CHD1L: variants seen among roughly 807,000 people sequenced by gnomAD.
The protein encoded by CHD1L is ATP-dependent chromatin remodeler CHD1L.
A neutral mutation model predicts 115.9 loss-of-function variants in CHD1L; 118 were observed. The ratio of observed to expected loss-of-function variants is 1.02; its 90% CI spans 0.88 to 1.19. The LOEUF (loss-of-function observed/expected upper bound fraction) is 1.19, where lower values mean the gene tolerates loss of function less well. Ranked by LOEUF, CHD1L falls within the 50% of genes most tolerant of loss-of-function variation. The pLI is 0.00. For missense variants in CHD1L, 1,179 were observed against 1,065.3 expected, an observed-to-expected ratio of 1.11 and a Z score of -1.49; for synonymous variants, 411 against 387.1, an observed-to-expected ratio of 1.06 and a Z score of -0.72.
intron 5 of CHD1L, 25 bp from the exon 6 acceptor site, chr1:147,259,812 T>G (rs1553942656): frequency 6.9e-6 from 11 of 1,597,344 alleles, no homozygotes; most frequent in Non-Finnish European, 9.4e-6. Flanking sequence ...TACACAAAAC[T>G]GAAAGCTTGG....
chr1:147,186,607 C>A, the CHD1L span: 1 of 1,100,930 alleles, frequency 9.1e-7, no homozygotes, highest in Non-Finnish European at 1.1e-6. Flanking sequence ...AAGCACCTAC[C>A]ACATGTCAAG....
the CHD1L span, among the ~76,000 whole-genome samples, chr1:147,221,654 T>C: frequency 6.6e-6 from 1 of 152,218 alleles, no homozygotes; most frequent in Non-Finnish European, 1.5e-5. Flanking sequence ...TGCAAGTCTG[T>C]ATGTGTATTC....
the CHD1L span, among the ~76,000 whole-genome samples, chr1:147,237,302 T>C: frequency 6.6e-6 from 1 of 152,042 alleles, no homozygotes; most frequent in South Asian, 2.1e-4. Context: ...GATGCCCAGG[T>C]CTGCAGCTGT....
At position 147,295,555 on chromosome 1, in the gene CHD1L, T is replaced by C. The variant is rs587695472; in HGVS notation, c.*46T>C. ...CCTGTCTTTAGCAACCAGCTAATAT[T>C]TACCCAGAGGTACTGCAATAGAGTA... On this transcript the variant is annotated 3_prime_UTR_variant, in exon 23 of 23. Transcript: ENST00000369258. 7.2e-7 allele frequency: 1 copy of C among 1,382,604 alleles called. No homozygotes were observed. Among genetic ancestry groups the C allele is most frequent in the South Asian group, 1.2e-5 (1 of 84,614 alleles). 85.6% of individuals were successfully genotyped at this position (1,382,604 alleles called of 1,614,324 possible).
intron 1 of CHD1L, chr1:147,243,036 G>A (rs1295296241): frequency 3.9e-6 from 2 of 518,438 alleles, no homozygotes; most frequent in East Asian, 3.8e-5. Flanking sequence ...CGGGGCCGGC[G>A]GACGCCAGAT....
chr1:147,195,292 A>C, the CHD1L span, among the ~76,000 whole-genome samples: 5,620 of 151,796 alleles, frequency 0.037, 159 homozygotes, highest in South Asian at 0.096. Context: ...CCAAACCCAA[A>C]TAATTTTTTT....
chr1:147,286,481 T>C lies in CHD1L; in HGVS notation c.2202T>C (p.Ala734=), dbSNP rs1553966000. ...VTHPQAGAED[A]LIVHCVDDSG... Reference sequence around the variant, plus strand: ...ACCCTCAGGCTGGGGCCGAGGATGCTCTCATTGTGCACTGCGTAGGTACGA... The same window carrying C: ...ACCCTCAGGCTGGGGCCGAGGATGCCCTCATTGTGCACTGCGTAGGTACGA... Residue 734 remains alanine, a synonymous_variant, in exon 18 of 23, where the codon GCT becomes GCC. Transcript: ENST00000369258. 1.9e-6 allele frequency: 3 copies of C among 1,613,758 alleles called. No homozygotes were observed. The highest frequency in any genetic ancestry group is 2.5e-6 in the Non-Finnish European group (3 of 1,179,974).
intron 20 of CHD1L, among the ~76,000 whole-genome samples, chr1:147,292,402 C>A (rs1685878235): frequency 6.6e-6 from 1 of 152,158 alleles, no homozygotes; most frequent in African/African-American, 2.4e-5. Flanking sequence ...CCCCACCTAC[C>A]TGGCTTTCTC....
At chr1:147,205,570 A>G in the CHD1L span, among the ~76,000 whole-genome samples, 4 of 152,244 alleles carry the variant, frequency 2.6e-5, no homozygotes, top group African/African-American at 4.8e-5. Flanking sequence ...TATTTCTTAT[A>G]TAGACCAATG....
At chr1:147,273,297 A>G (rs1468828135) in intron 12 of CHD1L, among the ~76,000 whole-genome samples, 2 of 152,200 alleles carry the variant, frequency 1.3e-5, no homozygotes, top group Non-Finnish European at 2.9e-5. Context: ...GGAACATGAA[A>G]GAGATGTGTG....
At chr1:147,287,970 A>G (rs1167465732) in intron 19 of CHD1L, among the ~76,000 whole-genome samples, 1 of 151,988 alleles carries the variant, frequency 6.6e-6, no homozygotes, top group Non-Finnish European at 1.5e-5. Flanking sequence ...ACTTCATAGA[A>G]CTGTAGTAAG....
At chr1:147,228,248 G>A in the CHD1L span, among the ~76,000 whole-genome samples, 1 of 150,944 alleles carries the variant, frequency 6.6e-6, no homozygotes, top group South Asian at 2.1e-4. Flanking sequence ...CTATGACTGA[G>A]AACATGCGGT....
chr1:147,293,850 G>T, intron 21 of CHD1L, 128 bp downstream of exon 21: 1 of 709,872 alleles, frequency 1.4e-6, no homozygotes, highest in Non-Finnish European at 2.4e-6. Context: ...CCACAGAAGT[G>T]ATCACCCCAC....
intron 10 of CHD1L, 67 bp from the exon 11 acceptor site, chr1:147,270,865 T>C: frequency 1.5e-6 from 2 of 1,292,506 alleles, no homozygotes; most frequent in Non-Finnish European, 1.1e-6. Context: ...TGGTAAATTT[T>C]GCCTGAGGGA....
chr1:147,177,858 A>G, the CHD1L span, among the ~76,000 whole-genome samples: 3 of 152,202 alleles, frequency 2.0e-5, no homozygotes, highest in African/African-American at 7.2e-5. Flanking sequence ...GTTAAACTAA[A>G]TCAAACTTGA....
intron 9 of CHD1L, among the ~76,000 whole-genome samples, chr1:147,268,078 T>G (rs1387158348): frequency 2.0e-5 from 3 of 152,164 alleles, no homozygotes; most frequent in African/African-American, 7.2e-5. Flanking sequence ...TTGAAGCACT[T>G]TCGTCCCTCA....
chr1:147,218,910 A>C, the CHD1L span, among the ~76,000 whole-genome samples: 1 of 152,154 alleles, frequency 6.6e-6, no homozygotes, highest in African/African-American at 2.4e-5. Flanking sequence ...AGATTCCGCT[A>C]TTCATCCTCC....
the CHD1L span, chr1:147,178,327 A>G: frequency 1.9e-6 from 3 of 1,612,516 alleles, no homozygotes; most frequent in East Asian, 6.7e-5. Context: ...AGCTGCAGCT[A>G]CCAGATTAAA....
At chr1:147,235,924 T>C in the CHD1L span, among the ~76,000 whole-genome samples, 1 of 152,178 alleles carries the variant, frequency 6.6e-6, no homozygotes, top group Non-Finnish European at 1.5e-5. Flanking sequence ...TCAAGCCTAT[T>C]GGGCTTGTTT....
Sources: gnomAD v4.1 joint callset for allele counts (sites outside exome capture counted in the v4.1 genomes callset) on GRCh38, gnomAD v4.1.1 for gene constraint, MANE v1.5 for transcripts, NCBI Gene and HGNC (gene_info 2026-07-23, HGNC 2026-07-21) for gene names.